PCNX1: variants seen among roughly 807,000 people sequenced by gnomAD.
PCNX1 encodes the protein pecanex-like protein 1.
PCNX1 carries 78 observed loss-of-function variants against 242.2 expected under a neutral mutation model. The observed-to-expected ratio is 0.32, with a 90% CI of 0.27 to 0.39. The LOEUF (loss-of-function observed/expected upper bound fraction) is 0.39. PCNX1 is among the 10% of genes least tolerant of loss of function. The probability of loss-of-function intolerance (pLI) is 1.00; values close to 1 mark genes in which losing one functional copy is unlikely to be tolerated. For synonymous variants in PCNX1, 1,024 were observed against 1,032.9 expected (o/e 0.99, Z 0.17); for missense variants, 2,581 against 2,856.5 (o/e 0.90, Z 2.20).
intron 2 of PCNX1, among the ~76,000 whole-genome samples, chr14:70,955,235 C>T (rs2057947256): frequency 6.6e-6 from 1 of 152,168 alleles, no homozygotes; most frequent in African/African-American, 2.4e-5. Context: ...CTGTATGTTT[C>T]TCATGGCAGT....
At chr14:71,048,081 ATTGT>A in intron 22 of PCNX1, 97 bp downstream of exon 22, 1 of 807,336 alleles carries the variant, frequency 1.2e-6, no homozygotes, top group African/African-American at 1.7e-5. Context: ...GTGATTTATT[ATTGT>A]TTAAGTAATA....
chr14:70,948,611 A>T (rs1162546019), intron 2 of PCNX1, among the ~76,000 whole-genome samples: 1 of 151,412 alleles, frequency 6.6e-6, no homozygotes, highest in Non-Finnish European at 1.5e-5. Context: ...GTATATATAG[A>T]TGTGTATATA....
intron 30 of PCNX1, among the ~76,000 whole-genome samples, chr14:71,096,273 G>C (rs2062277821): frequency 6.6e-6 from 1 of 152,024 alleles, no homozygotes; most frequent in African/African-American, 2.4e-5. Context: ...AGCTGAGATT[G>C]TGCCACTGAA....
rs1175838859 is a variant in PCNX1 at position 71,111,275 on chromosome 14, C to T, written c.*1340C>T. On this transcript the variant is annotated 3_prime_UTR_variant, in exon 36 of 36. Coordinates refer to ENST00000304743, the MANE Select transcript of PCNX1 (RefSeq NM_014982.3). Reference sequence around the variant, plus strand: ...TTCAATTTAGATTTAATTTGCAACTCTTAGCATTTTTTAAATCCTTGATAA... The same window carrying T: ...TTCAATTTAGATTTAATTTGCAACTTTTAGCATTTTTTAAATCCTTGATAA... 6.6e-6 allele frequency: 1 copy of T among 152,522 alleles called. No individual in the cohort carries two copies. Among genetic ancestry groups the T allele is most frequent in the East Asian group, 1.9e-4 (1 of 5,202 alleles). 9.4% of individuals were successfully genotyped at this position (152,522 alleles called of 1,614,324 possible). A position where few individuals can be genotyped will look rare whatever the true frequency, so the allele number is the denominator to read the frequency against.
chr14:71,065,269 C>T lies in PCNX1; in HGVS notation c.4852+7545C>T, dbSNP rs144036729. ...AAGCATTCTGATTTCTTCACATCCT[C>T]TCCAGCATCTGTTGTTTCCTGATTT... On this transcript the variant is annotated intron_variant, in intron 26 of 35. Transcript: ENST00000304743. Among the ~76,000 whole-genome samples the T allele has an allele frequency of 8.9e-3, 1,353 of 152,324 alleles. 9 individuals carry two copies. The highest frequency in any genetic ancestry group is 0.017 in the South Asian group (81 of 4,830).
rs1595461136 is a variant in PCNX1, at chr14:71,081,806, A to T, written c.5337+5387A>T. On this transcript the variant is annotated intron_variant, in intron 28 of 35. Coordinates refer to ENST00000304743, the MANE Select transcript of PCNX1 (RefSeq NM_014982.3). Reference sequence around the variant, plus strand: ...GTCTATTTGTTGATCTTTTCAAAAAACCAGCTCCTGGATTCATTTTTTGAA... The same window carrying T: ...GTCTATTTGTTGATCTTTTCAAAAATCCAGCTCCTGGATTCATTTTTTGAA... 2.6e-5 allele frequency among the ~76,000 whole-genome samples: 4 copies of T among 152,122 alleles called. No homozygotes were observed. In the South Asian group the frequency reaches 8.3e-4, roughly 32 times the overall value.
chr14:70,930,058 A>G (rs1411958884), intron 1 of PCNX1, among the ~76,000 whole-genome samples: 1 of 151,400 alleles, frequency 6.6e-6, no homozygotes, highest in East Asian at 1.9e-4. Context: ...TTCATCCCTT[A>G]TTTTTCATGT....
chr14:70,907,937 C>G lies in PCNX1; in HGVS notation c.87C>G (p.Thr29=). 1 of 1,597,028 alleles carries G rather than the reference C, an allele frequency of 6.3e-7. No individual in the cohort carries two copies. Among genetic ancestry groups the G allele is most frequent in the Non-Finnish European group, 8.5e-7 (1 of 1,173,160 alleles). ...GGWYYDPHQA[T]FVNALHLYLW... ...GGTACTACGACCCGCACCAGGCCAC[C>G]TTCGTGAACGCGCTGCACCTCTACC... is the stretch of plus-strand genomic sequence containing the variant. The change falls in exon 1 of 36, where the codon ACC becomes ACG. Residue 29 remains threonine (T), a synonymous_variant. Transcript: ENST00000304743.
At chr14:70,971,638 T>C (rs958242426) in intron 5 of PCNX1, among the ~76,000 whole-genome samples, 2 of 152,128 alleles carry the variant, frequency 1.3e-5, no homozygotes, top group Non-Finnish European at 2.9e-5. Context: ...ACATATACTG[T>C]AGTAAGTAGA....
intron 8 of PCNX1, among the ~76,000 whole-genome samples, chr14:71,008,473 G>A (rs539338608): frequency 2.6e-5 from 4 of 151,906 alleles, no homozygotes; most frequent in South Asian, 4.2e-4. Flanking sequence ...TGGCTAACAC[G>A]GTGAAAACCT....
intron 1 of PCNX1, among the ~76,000 whole-genome samples, chr14:70,924,393 A>G (rs2056507156): frequency 6.6e-6 from 1 of 152,134 alleles, no homozygotes; most frequent in Non-Finnish European, 1.5e-5. Context: ...TCTTGTTAAC[A>G]TCTTAGATTA....
intron 30 of PCNX1, among the ~76,000 whole-genome samples, chr14:71,090,764 T>C (rs935935224): frequency 6.6e-6 from 1 of 152,240 alleles, no homozygotes; most frequent in Non-Finnish European, 1.5e-5. Context: ...TAATAGCTTC[T>C]GACAAACTTC....
intron 23 of PCNX1, among the ~76,000 whole-genome samples, 180 bp from the exon 24 acceptor site, chr14:71,051,703 A>G (rs1397810739): frequency 6.6e-6 from 1 of 152,194 alleles, no homozygotes; most frequent in Non-Finnish European, 1.5e-5. Context: ...TACTTTATGT[A>G]TGTCTTTCTG....
chr14:71,020,818 G>C (rs560831921), intron 12 of PCNX1, among the ~76,000 whole-genome samples: 2 of 152,176 alleles, frequency 1.3e-5, no homozygotes, highest in African/African-American at 4.8e-5. Flanking sequence ...TGGTGTTTTA[G>C]TCATGAAGTC....
chr14:70,945,057 C>T (rs2057404186), intron 1 of PCNX1, among the ~76,000 whole-genome samples: 1 of 152,174 alleles, frequency 6.6e-6, no homozygotes, highest in Non-Finnish European at 1.5e-5. Context: ...CCTACAGCCC[C>T]TCTTCCCTCC....
chr14:70,947,039 G>A lies in PCNX1; in HGVS notation c.278G>A (p.Arg93Lys), dbSNP rs1400195193. The change falls in exon 2 of 36, where the codon AGG becomes AAG. Residue 93 changes from arginine to lysine, a missense_variant. Transcript: ENST00000304743. ...CTTGATGCTGGAGAAGTTGTAGATAGGACTGCAAATGAGTTCACGGATCAG... is the reference window on the plus strand; with the variant it reads ...CTTGATGCTGGAGAAGTTGTAGATAAGACTGCAAATGAGTTCACGGATCAG... ...RALDAGEVVD[R>K]TANEFTDQRT... 3 of 1,613,796 alleles carry A rather than the reference G, an allele frequency of 1.9e-6. No homozygotes were observed. The highest frequency in any genetic ancestry group is 2.5e-6 in the Non-Finnish European group (3 of 1,179,932).
intron 16 of PCNX1, among the ~76,000 whole-genome samples, chr14:71,030,570 T>C (rs975518240): frequency 1.3e-5 from 2 of 152,180 alleles, no homozygotes; most frequent in Non-Finnish European, 2.9e-5. Flanking sequence ...CCCTTTATCA[T>C]GGGGCTGTAA....
rs990936905 is a variant in PCNX1 at position 70,978,611 on chromosome 14, A to C, written c.2274A>C (p.Ala758=). 6 of 1,613,726 alleles carry C rather than the reference A, an allele frequency of 3.7e-6. No homozygotes were observed. Among genetic ancestry groups the C allele is most frequent in the Non-Finnish European group, 4.2e-6 (5 of 1,179,848 alleles). Residue 758 remains alanine (A), a synonymous_variant, in exon 6 of 36, where the codon GCA becomes GCC. Coordinates refer to ENST00000304743, the MANE Select transcript of PCNX1 (RefSeq NM_014982.3). ...GGAATAGCTTGCCAAACCAGGTTGC[A>C]TTTCCTGAAGGGGAAGAGCAAGATG... ...RSRNSLPNQV[A]FPEGEEQDAV...
At chr14:71,066,154 T>G (rs546874014) in intron 26 of PCNX1, among the ~76,000 whole-genome samples, 36 of 152,322 alleles carry the variant, frequency 2.4e-4, no homozygotes, top group Non-Finnish European at 4.3e-4. Flanking sequence ...GTGAAGAAAG[T>G]CAGTGGCAGC....
Sources: allele counts gnomAD v4.1 joint callset (sites outside exome capture counted in the v4.1 genomes callset), GRCh38; gene constraint gnomAD v4.1.1; transcripts MANE v1.5; gene names NCBI Gene and HGNC (gene_info 2026-07-23, HGNC 2026-07-21).